The following DCHS1 variants were observed in gnomAD, a reference collection of about 807,000 sequenced individuals.
DCHS1 encodes the protein protocadherin-16.
A neutral mutation model predicts 213.9 loss-of-function variants in DCHS1; 78 were observed. The observed-to-expected ratio is 0.36, with a 90% CI of 0.30 to 0.44. The LOEUF is 0.44. Among genes scored for constraint, DCHS1 ranks in the 20% least tolerant of loss-of-function variants. The pLI, the probability that DCHS1 is intolerant of heterozygous loss-of-function variation, is 1.00. For synonymous variants in DCHS1, 1,828 were observed against 1,873.7 expected, an observed-to-expected ratio of 0.98 and a Z score of 0.63; for missense variants, 3,946 against 4,395.9, an observed-to-expected ratio of 0.90 and a Z score of 2.89.
At chr11:6,654,129 T>C (rs1314322159) in intron 1 of DCHS1, among the ~76,000 whole-genome samples, 3 of 152,044 alleles carry the variant, frequency 2.0e-5, no homozygotes, top group Non-Finnish European at 4.4e-5. Flanking sequence ...GATCTACGTA[T>C]GAGAAGGGGT....
intron 5 of DCHS1, 37 bp downstream of exon 5, chr11:6,633,375 G>T (rs754730350): frequency 6.5e-7 from 1 of 1,531,554 alleles, no homozygotes; most frequent in African/African-American, 1.4e-5. Context: ...TGGGGTATTT[G>T]GGTCTGACAC....
Position 6,641,223 on chromosome 11 carries a change from C to A in DCHS1, c.391G>T (p.Val131Leu). The change falls in exon 2 of 21, where the codon GTG becomes TTG. Residue 131 changes from valine to leucine, a missense_variant. Val to Leu is a conservative substitution (Grantham distance 32, BLOSUM62 1). Transcript: ENST00000299441. The surrounding 1 kb of genome is among the most constrained non-coding windows in gnomAD (Gnocchi z 7.1). The part of the protein sequence containing the change: ...TPDGATVEVT[V>L]RVADINDHAP... The stretch of plus-strand genomic sequence containing the variant: ...TGGTCGTTGATGTCAGCCACTCGCA[C>A]TGTAACTTCTACGGTGGCACCATCA... 6.2e-7 allele frequency: 1 copy of A among 1,613,768 alleles called. No individual in the cohort carries two copies. The highest frequency in any genetic ancestry group is 8.5e-7 in the Non-Finnish European group (1 of 1,179,888).
intron 1 of DCHS1, among the ~76,000 whole-genome samples, chr11:6,643,946 A>G (rs140604610): frequency 6.6e-6 from 1 of 152,256 alleles, no homozygotes; most frequent in Non-Finnish European, 1.5e-5. Context: ...CTGATTTCCA[A>G]TTAGTCATGT....
chr11:6,630,999 G>A (rs1021006735), intron 9 of DCHS1, 54 bp downstream of exon 9: 3 of 1,551,018 alleles, frequency 1.9e-6, no homozygotes, highest in African/African-American at 2.7e-5. Flanking sequence ...CGTGAAGCTG[G>A]AGCTACTGAA....
chr11:6,626,303 T>A lies in DCHS1; in HGVS notation c.6442A>T (p.Ser2148Cys), dbSNP rs1436117459. The change falls in exon 16 of 21, where the codon AGT (serine) becomes TGT (cysteine). Residue 2148 changes from serine (S) to cysteine (C), a missense_variant. Around this residue, in one of 3 missense-constraint regions of DCHS1, gnomAD observed 3,384 missense variants for 3,780.1 expected, o/e 0.90. Transcript: ENST00000299441. The surrounding 1 kb of genome is among the most constrained non-coding windows in gnomAD (Gnocchi z 5.2). ...PRLRLVLQAESGGAFAFTVLT... is the reference protein window; with the variant it reads ...PRLRLVLQAECGGAFAFTVLT... ...ACAGTGAAGGCAAAGGCTCCTCCAC[T>A]CTCTGCCTGCAGCACCAGTCGCAGC... The A allele has an allele frequency of 6.2e-7, 1 of 1,613,438 alleles. No individual in the cohort carries two copies. Among genetic ancestry groups the A allele is most frequent in the Non-Finnish European group, 8.5e-7 (1 of 1,179,696 alleles).
chr11:6,648,128 C>T (rs189775798), intron 1 of DCHS1, among the ~76,000 whole-genome samples: 1 of 152,180 alleles, frequency 6.6e-6, no homozygotes, highest in Non-Finnish European at 1.5e-5. Context: ...TCAAGCACAG[C>T]TGGGTTTGCA....
At chr11:6,643,915 T>G (rs1275265559) in intron 1 of DCHS1, among the ~76,000 whole-genome samples, 1 of 152,228 alleles carries the variant, frequency 6.6e-6, no homozygotes, top group African/African-American at 2.4e-5. Flanking sequence ...GCTCTCCTTG[T>G]GTCCTTGCTT....
In DCHS1 at chr11:6,630,863, C is replaced by T. The variant is rs1420401710; in HGVS notation, c.3931G>A (p.Val1311Met). 2.0e-6 allele frequency: 3 copies of T among 1,523,142 alleles called. No individual in the cohort carries two copies. The highest frequency in any genetic ancestry group is 1.4e-5 in the African/African-American group (1 of 72,806). 94.4% of individuals were successfully genotyped at this position (1,523,142 alleles called of 1,614,324 possible). The change falls in exon 10 of 21, where the codon GTG (valine) becomes ATG (methionine). Residue 1311 changes from valine (V) to methionine (M), a missense_variant and splice_region_variant. Val to Met is a conservative substitution (Grantham distance 21). This residue lies in a region of DCHS1 where 3,384 missense variants were observed against 3,780.1 expected (regional missense o/e 0.90). Coordinates refer to ENST00000299441, the MANE Select transcript of DCHS1 (RefSeq NM_003737.4). ...TCGGCCAAGCGAGCTGAGGGAAGCA[C>T]CTGTTGTGGACCGGGGAGGGAGAAC... ...RSASLQLLVQ[V>M]LPSARLAEPP... is the part of the protein sequence containing the mutation.
rs1855891928 is a variant in DCHS1 at position 6,630,691 on chromosome 11, G to A, written c.4103C>T (p.Thr1368Ile). ...EPAGVGALTY[T>I]LVGGADPEGT... ...CTCGGGATCGGCACCGCCCACCAGT[G>A]TGTAGGTGAGTGCACCCACACCCGC... is the stretch of plus-strand genomic sequence containing the variant. The change falls in exon 10 of 21, where the codon ACA (threonine) becomes ATA (isoleucine). Residue 1368 changes from threonine to isoleucine, a missense_variant. By Grantham distance (89) the Thr-to-Ile change is moderately conservative (BLOSUM62 -1). Coordinates refer to ENST00000299441, the MANE Select transcript of DCHS1 (RefSeq NM_003737.4). 3 of 1,544,176 alleles carry A rather than the reference G, an allele frequency of 1.9e-6. No homozygotes were observed. The East Asian group carries it at 7.3e-5, about 38-fold the overall frequency.
intron 1 of DCHS1, among the ~76,000 whole-genome samples, chr11:6,646,205 A>T (rs916538698): frequency 6.6e-6 from 1 of 151,904 alleles, no homozygotes; most frequent in African/African-American, 2.4e-5. Context: ...CAAGGCGAGC[A>T]TGCACTCACA....
Position 6,632,137 on chromosome 11 carries a change from G to A in DCHS1, c.3375C>T (p.Gly1125=), listed in dbSNP as rs777238862. The A allele has an allele frequency of 6.3e-7, 1 of 1,582,824 alleles. No homozygotes were observed. Residue 1125 remains glycine (G), a synonymous_variant, in exon 6 of 21, where the codon GGC becomes GGT. Transcript: ENST00000299441. The surrounding 1 kb of genome is among the most constrained non-coding windows in gnomAD (Gnocchi z 5.9). ...AGTCTCGGTCAGTGGCAAAGACTCG[G>A]CCCACGCTGGTCCCTGGGGGCTGGT... The part of the protein sequence containing the change: ...AENQPPGTSV[G]RVFATDRDSG...
rs1855703997 is a variant in DCHS1, at chr11:6,622,124, A to G, written c.9552T>C (p.Ala3184=). ...ATGGCCGAGCTTCATCCTTGAGCCGAGCGATCTCTGTGAAGACACTGGCCA... is the reference window on the plus strand; with the variant it reads ...ATGGCCGAGCTTCATCCTTGAGCCGGGCGATCTCTGTGAAGACACTGGCCA... ...QPLASVFTEI[A]RLKDEARPCP... is the part of the protein sequence containing the mutation. Residue 3184 remains alanine, a synonymous_variant, in exon 21 of 21, where the codon GCT becomes GCC. Coordinates refer to ENST00000299441, the MANE Select transcript of DCHS1 (RefSeq NM_003737.4). The surrounding 1 kb of genome is among the most constrained non-coding windows in gnomAD (Gnocchi z 5.4). 1 of 1,613,098 alleles carries G rather than the reference A, an allele frequency of 6.2e-7. No individual in the cohort carries two copies. Among genetic ancestry groups the G allele is most frequent in the Non-Finnish European group, 8.5e-7 (1 of 1,179,822 alleles).
chr11:6,631,937 C>G, intron 6 of DCHS1, 94 bp downstream of exon 6: 1 of 1,442,826 alleles, frequency 6.9e-7, no homozygotes, highest in Non-Finnish European at 9.1e-7. Flanking sequence ...TTCTCAGGGG[C>G]GAGATGGGAG....
chr11:6,641,823 G>T lies in DCHS1; in HGVS notation c.-120-90C>A. On this transcript the variant is annotated intron_variant, in intron 1 of 20. Transcript: ENST00000299441. The surrounding 1 kb of genome is among the most constrained non-coding windows in gnomAD (Gnocchi z 7.1). ...CGAGGCCACATCAACATTCAGATAT[G>T]CTCAGCCCCCAGCAGGCCCTTGTGC... 2 of 1,125,306 alleles carry T rather than the reference G, an allele frequency of 1.8e-6. No homozygotes were observed. The highest frequency in any genetic ancestry group is 2.4e-6 in the Non-Finnish European group (2 of 823,606). 69.7% of individuals were successfully genotyped at this position (1,125,306 alleles called of 1,614,324 possible).
Position 6,630,237 on chromosome 11 carries a change from G to T in DCHS1, c.4557C>A (p.Pro1519=), listed in dbSNP as rs759965401. Residue 1519 remains proline, a synonymous_variant, in exon 10 of 21, where the codon CCC becomes CCA. Transcript: ENST00000299441. The part of the protein sequence containing the change: ...LLLLVEATDR[P]ANASRRRAAR... Reference sequence around the variant, plus strand: ...CTGCACGACGGCGGCTGGCGTTGGCGGGCCGGTCGGTGGCTTCCACCAGCA... The same window carrying T: ...CTGCACGACGGCGGCTGGCGTTGGCTGGCCGGTCGGTGGCTTCCACCAGCA... 5 of 1,550,794 alleles carry T rather than the reference G, an allele frequency of 3.2e-6. No individual in the cohort carries two copies. The highest frequency in any genetic ancestry group is 2.4e-5 in the South Asian group (2 of 84,896).
Position 6,625,516 on chromosome 11 carries a change from A to G in DCHS1, c.6863-35T>C, listed in dbSNP as rs760087239. 22 of 1,608,334 alleles carry G rather than the reference A, an allele frequency of 1.4e-5. No homozygotes were observed. Among genetic ancestry groups the G allele is most frequent in the Non-Finnish European group, 1.9e-5 (22 of 1,178,378 alleles). ...ATGAGACTAGTGTGTTTGGCAATGGACACAGCCCCACCTTGAGCTGCAGGG... is the reference window on the plus strand; with the variant it reads ...ATGAGACTAGTGTGTTTGGCAATGGGCACAGCCCCACCTTGAGCTGCAGGG... On this transcript the variant is annotated intron_variant, in intron 18 of 20. Transcript: ENST00000299441. The surrounding 1 kb of genome is among the most constrained non-coding windows in gnomAD (Gnocchi z 5.3).
At position 6,627,159 on chromosome 11, in the gene DCHS1, G is replaced by C. The variant is rs1855821006; in HGVS notation, c.5880C>G (p.Phe1960Leu). 1 of 1,612,150 alleles carries C rather than the reference G, an allele frequency of 6.2e-7. No homozygotes were observed. Among genetic ancestry groups the C allele is most frequent in the Non-Finnish European group, 8.5e-7 (1 of 1,178,872 alleles). ...VRDVNDHAPT[F>L]PTSPLRLRLP... Reference sequence around the variant, plus strand: ...GACGTAGGCGCAGAGGACTGGTGGGGAAGGTGGGTGCATGGTCATTGACAT... The same window carrying C: ...GACGTAGGCGCAGAGGACTGGTGGGCAAGGTGGGTGCATGGTCATTGACAT... Residue 1960 changes from phenylalanine (F) to leucine (L), a missense_variant, in exon 14 of 21, where the codon TTC becomes TTG. Coordinates refer to ENST00000299441, the MANE Select transcript of DCHS1 (RefSeq NM_003737.4). The surrounding 1 kb of genome is among the most constrained non-coding windows in gnomAD (Gnocchi z 5.4).
chr11:6,633,142 G>A (rs1855938397), intron 5 of DCHS1, 86 bp from the exon 6 acceptor site: 3 of 1,466,524 alleles, frequency 2.0e-6, no homozygotes, highest in South Asian at 2.7e-5. Context: ...AGAAGGACTG[G>A]GCAGTGCCCA....
rs930870352 is a variant in DCHS1 at position 6,626,267 on chromosome 11, T to C, written c.6478A>G (p.Thr2160Ala). 3.1e-6 allele frequency: 5 copies of C among 1,612,914 alleles called. No individual in the cohort carries two copies. In the African/African-American group the frequency reaches 6.7e-5, roughly 22 times the overall value. The change falls in exon 16 of 21, where the codon ACC (threonine) becomes GCC (alanine). Residue 2160 changes from threonine to alanine, a missense_variant. By Grantham distance (58) the Thr-to-Ala change is moderately conservative. Around this residue, in one of 3 missense-constraint regions of DCHS1, gnomAD observed 3,384 missense variants for 3,780.1 expected, o/e 0.90. Coordinates refer to ENST00000299441, the MANE Select transcript of DCHS1 (RefSeq NM_003737.4). This position sits in a 1 kb window ranked among gnomAD's most constrained non-coding sequence, Gnocchi z 5.2. ...GCATTGTCGTTGGCATCTTGCAGGG[T>C]CAGGGTCAGCACAGTGAAGGCAAAG... ...GAFAFTVLTLTLQDANDNAPR... is the reference protein window; with the variant it reads ...GAFAFTVLTLALQDANDNAPR...
Sources: gnomAD v4.1 joint callset for allele counts (sites outside exome capture counted in the v4.1 genomes callset) on GRCh38, gnomAD v4.1.1 for gene constraint, gnomAD v4.1.1 regional missense constraint, Gnocchi (gnomAD v3.1) non-coding constraint, MANE v1.5 for transcripts, NCBI Gene and HGNC (gene_info 2026-07-23, HGNC 2026-07-21) for gene names.